The following C1orf174 variants were observed in gnomAD, a reference collection of about 807,000 sequenced individuals.
The protein encoded by C1orf174 is UPF0688 protein C1orf174.
A neutral mutation model predicts 18.4 loss-of-function variants in C1orf174; 13 were observed. That is an observed-to-expected ratio of 0.71 (90% CI 0.46 to 1.12). C1orf174 has a LOEUF of 1.12. Among genes scored for constraint, C1orf174 ranks in the 50% most tolerant of loss-of-function variants. The probability of loss-of-function intolerance (pLI) is 0.00; values close to 1 mark genes in which losing one functional copy is unlikely to be tolerated. For missense variants in C1orf174, 309 were observed against 308.0 expected (o/e 1.00, Z -0.02); for synonymous variants, 100 against 118.3 (o/e 0.85, Z 1.01).
At chr1:3,890,124 C>A (rs1464160406) in intron 3 of C1orf174, 51 bp from the exon 4 acceptor site, 5 of 1,441,330 alleles carry the variant, frequency 3.5e-6, no homozygotes, top group Non-Finnish European at 4.9e-6. Flanking sequence ...CATATCTGCA[C>A]CCGCATTTGC....
At chr1:3,899,888 G>A (rs1638675944) in intron 1 of C1orf174, among the ~76,000 whole-genome samples, 1 of 151,802 alleles carries the variant, frequency 6.6e-6, no homozygotes, top group Admixed American at 6.5e-5. Context: ...TTCTGCGGGG[G>A]TGGGTAACCT....
chr1:3,898,572 A>G (rs1366311330), intron 1 of C1orf174, among the ~76,000 whole-genome samples: 1 of 152,092 alleles, frequency 6.6e-6, no homozygotes, highest in Non-Finnish European at 1.5e-5. Flanking sequence ...TTTACAAGAA[A>G]CACTAAAAGA....
In C1orf174 at chr1:3,889,657, T is replaced by A; in HGVS notation, c.*303A>T. ...TTGCAGTGAGCCGAGATTGCGCCAT[T>A]GCACTCCAGCCTGGGCGACAAGAGA... On this transcript the variant is annotated 3_prime_UTR_variant, in exon 4 of 4. Coordinates refer to ENST00000361605, the MANE Select transcript of C1orf174 (RefSeq NM_207356.3). 4.2e-6 allele frequency: 1 copy of A among 238,996 alleles called. No individual in the cohort carries two copies. The highest frequency in any genetic ancestry group is 5.5e-5 in the South Asian group (1 of 18,302). The allele number at this position is 238,996 out of a possible 1,614,324, so 14.8% of individuals were successfully genotyped here. A position where few individuals can be genotyped will look rare whatever the true frequency, so the allele number is the denominator to read the frequency against.
In C1orf174 at chr1:3,900,154, C is replaced by T; in HGVS notation, c.15+18G>A. 6.3e-7 allele frequency: 1 copy of T among 1,578,508 alleles called. No individual in the cohort carries two copies. Among genetic ancestry groups the T allele is most frequent in the South Asian group, 1.1e-5 (1 of 88,884 alleles). On this transcript the variant is annotated intron_variant, in intron 1 of 3. Coordinates refer to ENST00000361605, the MANE Select transcript of C1orf174 (RefSeq NM_207356.3). ...CCCGCCCTGCCCGGCGCAGCTGCTG[C>T]CGGGACCCAGCCCTCACCTTCCGGC...
Position 3,900,155 on chromosome 1 carries a change from C to T in C1orf174, c.15+17G>A. On this transcript the variant is annotated intron_variant, in intron 1 of 3. Transcript: ENST00000361605. Reference sequence around the variant, plus strand: ...CCGCCCTGCCCGGCGCAGCTGCTGCCGGGACCCAGCCCTCACCTTCCGGCT... The same window carrying T: ...CCGCCCTGCCCGGCGCAGCTGCTGCTGGGACCCAGCCCTCACCTTCCGGCT... 1.3e-6 allele frequency: 2 copies of T among 1,578,390 alleles called. No homozygotes were observed. Among genetic ancestry groups the T allele is most frequent in the South Asian group, 1.1e-5 (1 of 88,878 alleles).
intron 1 of C1orf174, 35 bp from the exon 2 acceptor site, chr1:3,893,031 C>T: frequency 6.2e-7 from 1 of 1,602,358 alleles, no homozygotes. Flanking sequence ...AGAGTGCTCT[C>T]AGGAAGGCAG....
At chr1:3,897,461 T>C (rs1029942840) in intron 1 of C1orf174, among the ~76,000 whole-genome samples, 1 of 152,036 alleles carries the variant, frequency 6.6e-6, no homozygotes, top group Non-Finnish European at 1.5e-5. Context: ...GATCGATAGA[T>C]TATGCATGCT....
Position 3,889,758 on chromosome 1 carries a change from T to A in C1orf174, c.*202A>T. 3.1e-5 allele frequency: 16 copies of A among 514,068 alleles called. No individual in the cohort carries two copies. The highest frequency in any genetic ancestry group is 6.7e-5 in the East Asian group (2 of 29,774). The allele number at this position is 514,068 out of a possible 1,614,324, so 31.8% of individuals were successfully genotyped here. On this transcript the variant is annotated 3_prime_UTR_variant, in exon 4 of 4. Coordinates refer to ENST00000361605, the MANE Select transcript of C1orf174 (RefSeq NM_207356.3). ...GGCACAGTACAGCAGCTTTGCAACC[T>A]CAAAGATGGTTTGAGTTTTAGTTCC...
intron 3 of C1orf174, 140 bp from the exon 4 acceptor site, chr1:3,890,213 A>G (rs1638479618): frequency 1.5e-6 from 1 of 680,878 alleles, no homozygotes; most frequent in Non-Finnish European, 2.5e-6. Context: ...GAGTCCCAGC[A>G]CTCGCCTCTA....
In C1orf174 at chr1:3,889,841, G is replaced by T; in HGVS notation, c.*119C>A. 1 of 941,764 alleles carries T rather than the reference G, an allele frequency of 1.1e-6. No individual in the cohort carries two copies. The highest frequency in any genetic ancestry group is 1.7e-6 in the Non-Finnish European group (1 of 585,100). The allele number at this position is 941,764 out of a possible 1,614,324, so 58.3% of individuals were successfully genotyped here. A position where few individuals can be genotyped will look rare whatever the true frequency, so the allele number is the denominator to read the frequency against. On this transcript the variant is annotated 3_prime_UTR_variant, in exon 4 of 4. Transcript: ENST00000361605. ...TTGCACTATTGACTTAGATGGGTCA[G>T]TTCTGAAGTTTGATTAAGACATTCT... is the stretch of plus-strand genomic sequence containing the variant.
chr1:3,891,115 C>G (rs1286255312), intron 2 of C1orf174, 58 bp from the exon 3 acceptor site: 1 of 1,528,730 alleles, frequency 6.5e-7, no homozygotes, highest in South Asian at 1.3e-5. Context: ...AAACAGGCCT[C>G]AATCCAGAGG....
chr1:3,891,250 C>T (rs1345843023), intron 2 of C1orf174, 193 bp from the exon 3 acceptor site: 7 of 655,588 alleles, frequency 1.1e-5, no homozygotes, highest in Non-Finnish European at 1.7e-5. Flanking sequence ...ACACACCCCA[C>T]ACCACTCCTA....
chr1:3,890,645 T>C lies in C1orf174; in HGVS notation c.542A>G (p.Asn181Ser). ...GCTGTCGTCATCTAGAAAGACGCTG[T>C]TGTCCATCTGAAGTGGTGGCTTCTG... The part of the protein sequence containing the change: ...DVQKPPLQMD[N>S]SVFLDDDSNQ... The change falls in exon 3 of 4, where the codon AAC (asparagine) becomes AGC (serine). Residue 181 changes from asparagine to serine, a missense_variant. Transcript: ENST00000361605. 6.2e-7 allele frequency: 1 copy of C among 1,614,120 alleles called. No homozygotes were observed. Among genetic ancestry groups the C allele is most frequent in the South Asian group, 1.1e-5 (1 of 91,072 alleles).
intron 3 of C1orf174, among the ~76,000 whole-genome samples, chr1:3,890,322 C>CA (rs916856020): frequency 2.0e-5 from 3 of 152,160 alleles, no homozygotes; most frequent in Admixed American, 6.5e-5. Context: ...GGTGGATGTT[C>CA]AAAAAAACCA....
intron 2 of C1orf174, chr1:3,891,280 T>A (rs1192068333): frequency 5.3e-6 from 3 of 570,878 alleles, no homozygotes; most frequent in Non-Finnish European, 8.9e-6. Flanking sequence ...TTTTCCCTAG[T>A]GGCGTTACAG....
At chr1:3,890,324 A>T (rs750699449) in intron 3 of C1orf174, among the ~76,000 whole-genome samples, 3 of 152,190 alleles carry the variant, frequency 2.0e-5, no homozygotes, top group Non-Finnish European at 4.4e-5. Context: ...TGGATGTTCA[A>T]AAAAACCACA....
intron 1 of C1orf174, among the ~76,000 whole-genome samples, chr1:3,898,522 C>CAACAA (rs1553174173): frequency 2.5e-5 from 3 of 121,568 alleles, no homozygotes; most frequent in Non-Finnish European, 3.7e-5. Flanking sequence ...GCAAAAACAA[C>CAACAA]AACAACAACA....
chr1:3,892,968 C>G lies in C1orf174; in HGVS notation c.44G>C (p.Arg15Pro). 1.2e-6 allele frequency: 2 copies of G among 1,614,100 alleles called. No homozygotes were observed. Among genetic ancestry groups the G allele is most frequent in the South Asian group, 2.2e-5 (2 of 91,056 alleles). ...TGCCGAACAACTTCGTGCTTTCAAG[C>G]GCGCTGAAGACCGCACTGCACCTGT... ...KLTGAVRSSA[R>P]LKARSCSAAR... Residue 15 changes from arginine (R) to proline (P), a missense_variant, in exon 2 of 4, where the codon CGC becomes CCC. Physicochemically the swap from Arg to Pro is moderately radical, Grantham distance 103. Coordinates refer to ENST00000361605, the MANE Select transcript of C1orf174 (RefSeq NM_207356.3).
At position 3,896,250 on chromosome 1, in the gene C1orf174, G is replaced by C. The variant is rs1570967669; in HGVS notation, c.16-3254C>G. 7 of 152,862 alleles carry C rather than the reference G, an allele frequency of 4.6e-5. No homozygotes were observed. The East Asian group carries it at 1.3e-3, about 29-fold the overall frequency. The allele number at this position is 152,862 out of a possible 1,614,324, so 9.5% of individuals were successfully genotyped here. On this transcript the variant is annotated intron_variant, in intron 1 of 3. Coordinates refer to ENST00000361605, the MANE Select transcript of C1orf174 (RefSeq NM_207356.3). ...CCTCCTTTCTGCTCAGACCCTATTTGTAGAATGAAGGCTTCACCTTGGCTC... is the reference window on the plus strand; with the variant it reads ...CCTCCTTTCTGCTCAGACCCTATTTCTAGAATGAAGGCTTCACCTTGGCTC...
Sources: gnomAD v4.1 joint callset for allele counts (sites outside exome capture counted in the v4.1 genomes callset) on GRCh38, gnomAD v4.1.1 for gene constraint, MANE v1.5 for transcripts, NCBI Gene and HGNC (gene_info 2026-07-23, HGNC 2026-07-21) for gene names.